CDH12: variants seen among roughly 807,000 people sequenced by gnomAD.
The protein encoded by CDH12 is cadherin 12.
In CDH12, 41 loss-of-function variants were observed where a neutral mutation model predicts 74.1. That is an observed-to-expected ratio of 0.55 (90% CI 0.43 to 0.72). The LOEUF is 0.72. Among genes scored for constraint, CDH12 ranks in the 30% least tolerant of loss-of-function variants. CDH12 has a pLI of 0.00. For synonymous variants in CDH12, 399 were observed against 355.0 expected, an observed-to-expected ratio of 1.12 and a Z score of -1.39; for missense variants, 945 against 977.2, an observed-to-expected ratio of 0.97 and a Z score of 0.44.
rs1391415363 is a variant in CDH12 at position 22,566,233 on chromosome 5, T to TTTTC, written c.-522-60873_-522-60870dup. ...ATGTGTCCTTTTTTTTGTTGTTCTT[T>TTTTC]TTTCTTTCTTTTTTTTTTTTTTGAG... On this transcript the variant is annotated intron_variant, in intron 1 of 14. Transcript: ENST00000382254. 5.9e-5 allele frequency among the ~76,000 whole-genome samples: 9 copies of TTTTC among 151,822 alleles called. No individual in the cohort carries two copies. In the East Asian group the frequency reaches 1.5e-3, roughly 26 times the overall value.
intron 4 of CDH12, among the ~76,000 whole-genome samples, chr5:22,120,182 G>A (rs1298606873): frequency 6.6e-6 from 1 of 152,074 alleles, no homozygotes; most frequent in Non-Finnish European, 1.5e-5. Flanking sequence ...AATTCTCAGA[G>A]GTTAATTGTG....
intron 1 of CDH12, among the ~76,000 whole-genome samples, chr5:22,566,345 C>A (rs538920398): frequency 6.6e-6 from 1 of 151,460 alleles, no homozygotes; most frequent in African/African-American, 2.4e-5. Flanking sequence ...TCAAGTGATT[C>A]TCCTGCTTCA....
At chr5:21,939,133 A>G (rs1755213408) in intron 6 of CDH12, among the ~76,000 whole-genome samples, 1 of 151,810 alleles carries the variant, frequency 6.6e-6, no homozygotes, top group African/African-American at 2.4e-5. Context: ...AGATATAGAA[A>G]AGAAAAAAGC....
At position 22,705,130 on chromosome 5, in the gene CDH12, T is replaced by TATATACACACACACAC. The variant is rs752782183; in HGVS notation, c.-523+147927_-523+147928insGTGTGTGTGTGTATAT. 2.1e-4 allele frequency among the ~76,000 whole-genome samples: 27 copies of TATATACACACACACAC among 125,616 alleles called. No individual in the cohort carries two copies. The East Asian group carries it at 3.3e-3, about 15-fold the overall frequency. The allele number at this position is 125,616 out of a possible 152,430, so 82.4% of individuals were successfully genotyped here. On this transcript the variant is annotated intron_variant, in intron 1 of 14. Transcript: ENST00000382254. Reference sequence around the variant, plus strand: ...CCCCACCCAGTCATATATATATATATACACACACACACACACACACACACA... The same window carrying TATATACACACACACAC: ...CCCCACCCAGTCATATATATATATATATATACACACACACACACACACACACACACACACACACACA...
chr5:22,243,344 A>G (rs1752815243), intron 3 of CDH12, among the ~76,000 whole-genome samples: 2 of 152,212 alleles, frequency 1.3e-5, no homozygotes, highest in Admixed American at 1.3e-4. Flanking sequence ...TAACCTAACT[A>G]AACAAATAAA....
chr5:22,137,452 G>C (rs1278732791), intron 4 of CDH12, among the ~76,000 whole-genome samples: 1 of 151,930 alleles, frequency 6.6e-6, no homozygotes, highest in Non-Finnish European at 1.5e-5. Flanking sequence ...GTATACTACT[G>C]TGTCTTTCTC....
chr5:22,834,433 G>A (rs560623478), intron 1 of CDH12, among the ~76,000 whole-genome samples: 1 of 152,254 alleles, frequency 6.6e-6, no homozygotes, highest in South Asian at 2.1e-4. Flanking sequence ...TAGGTGTGTA[G>A]TATTTAAGGA....
Position 21,774,476 on chromosome 5 carries a change from G to C in CDH12, c.1393+8882C>G, listed in dbSNP as rs1189266722. Reference sequence around the variant, plus strand: ...TGGCTTCCTGGCTCCTCACCTTGCAGATGGTCTATTGTGGGACCTCATCTT... The same window carrying C: ...TGGCTTCCTGGCTCCTCACCTTGCACATGGTCTATTGTGGGACCTCATCTT... On this transcript the variant is annotated intron_variant, in intron 11 of 14. Transcript: ENST00000382254. 3 of 152,264 alleles carry C rather than the reference G, an allele frequency of 2.0e-5. 1 individual carries two copies. The highest frequency in any genetic ancestry group is 1.5e-5 in the Non-Finnish European group (1 of 68,048). 9.4% of individuals were successfully genotyped at this position (152,264 alleles called of 1,614,324 possible).
chr5:21,888,239 C>A (rs1752733560), intron 6 of CDH12, among the ~76,000 whole-genome samples: 1 of 152,078 alleles, frequency 6.6e-6, no homozygotes, highest in Admixed American at 6.6e-5. Context: ...TTCCCTCGTG[C>A]TTTTAAAAAT....
chr5:21,944,598 C>T (rs187599469), intron 6 of CDH12, among the ~76,000 whole-genome samples: 45 of 152,130 alleles, frequency 3.0e-4, no homozygotes, highest in African/African-American at 8.0e-4. Context: ...ATTTAAGCCA[C>T]GAGAATAAGT....
At chr5:22,083,986 C>G (rs555408505) in intron 4 of CDH12, among the ~76,000 whole-genome samples, 9 of 152,080 alleles carry the variant, frequency 5.9e-5, no homozygotes, top group Non-Finnish European at 1.3e-4. Context: ...AATATAGTTC[C>G]TCTGAAGTCC....
chr5:22,039,750 T>C (rs1020958993), intron 5 of CDH12, among the ~76,000 whole-genome samples: 7 of 152,124 alleles, frequency 4.6e-5, no homozygotes, highest in Non-Finnish European at 1.0e-4. Flanking sequence ...GCATGGAGGC[T>C]ATACCATTGT....
Position 22,053,063 on chromosome 5 carries a change from G to GT in CDH12, c.231+25382dup, listed in dbSNP as rs535507772. On this transcript the variant is annotated intron_variant, in intron 5 of 14. Transcript: ENST00000382254. ...AATTTAAGAATACTGAGGGTCTCTCGTTTTTTTTGTTTTTTTTTTTTAAAT... is the reference window on the plus strand; with the variant it reads ...AATTTAAGAATACTGAGGGTCTCTCGTTTTTTTTTGTTTTTTTTTTTTAAAT... 4.5e-3 allele frequency among the ~76,000 whole-genome samples: 671 copies of GT among 148,092 alleles called. 9 individuals carry two copies. Among genetic ancestry groups the GT allele is most frequent in the African/African-American group, 0.016 (636 of 39,692 alleles).
intron 3 of CDH12, among the ~76,000 whole-genome samples, chr5:22,228,143 G>A (rs887598967): frequency 3.3e-5 from 5 of 151,900 alleles, no homozygotes; most frequent in African/African-American, 9.7e-5. Flanking sequence ...GCTAATTTCA[G>A]TAAGGCATTC....
intron 1 of CDH12, among the ~76,000 whole-genome samples, chr5:22,839,862 G>C (rs1202983192): frequency 6.6e-6 from 1 of 152,102 alleles, no homozygotes; most frequent in Non-Finnish European, 1.5e-5. Context: ...GATGCAAAAA[G>C]AATGGCAGGC....
chr5:21,825,250 C>T (rs1748606575), intron 8 of CDH12, among the ~76,000 whole-genome samples: 1 of 151,712 alleles, frequency 6.6e-6, no homozygotes, highest in Non-Finnish European at 1.5e-5. Flanking sequence ...ATTGTAAATT[C>T]TGATCTGAGA....
intron 3 of CDH12, among the ~76,000 whole-genome samples, chr5:22,260,602 G>A (rs1260932918): frequency 2.6e-5 from 4 of 151,986 alleles, no homozygotes; most frequent in African/African-American, 4.8e-5. Context: ...TAGTAGTGTT[G>A]GTGGAACTAC....
intron 13 of CDH12, among the ~76,000 whole-genome samples, chr5:21,759,772 T>C (rs1342124912): frequency 1.3e-5 from 2 of 152,080 alleles, no homozygotes; most frequent in African/African-American, 2.4e-5. Context: ...GTATGTATTA[T>C]TTCATCACCC....
At chr5:22,342,810 TTC>T (rs1189863726) in intron 3 of CDH12, among the ~76,000 whole-genome samples, 1 of 147,624 alleles carries the variant, frequency 6.8e-6, no homozygotes, top group African/African-American at 2.5e-5. Context: ...TTCTCTTTCT[TTC>T]TCTCTTTCTC....
Sources: allele counts gnomAD v4.1 joint callset (sites outside exome capture counted in the v4.1 genomes callset), GRCh38; gene constraint gnomAD v4.1.1; transcripts MANE v1.5; gene names NCBI Gene and HGNC (gene_info 2026-07-23, HGNC 2026-07-21).